The following SUSD1 variants were observed in gnomAD, a reference collection of about 807,000 sequenced individuals.
SUSD1 encodes sushi domain containing 1.
Under a neutral mutation model 86.9 loss-of-function variants are expected in SUSD1, and 65 were observed. The observed-to-expected ratio is 0.75, with a 90% CI of 0.61 to 0.92. The LOEUF (loss-of-function observed/expected upper bound fraction) is 0.92, where lower values mean the gene tolerates loss of function less well. SUSD1 is among the 40% of genes least tolerant of loss of function. The pLI is 0.00. For synonymous variants in SUSD1, 346 were observed against 350.0 expected (o/e 0.99, Z 0.13); for missense variants, 850 against 929.7 (o/e 0.91, Z 1.11).
chr9:112,042,010 T>A (rs753329459), intron 15 of SUSD1, 50 bp from the exon 16 acceptor site: 10 of 1,599,516 alleles, frequency 6.3e-6, no homozygotes, highest in Non-Finnish European at 7.7e-6. Context: ...CATCACCACC[T>A]CCCAGGAGGC....
chr9:112,139,451 AT>A (rs1564330227), intron 5 of SUSD1, among the ~76,000 whole-genome samples: 1 of 152,064 alleles, frequency 6.6e-6, no homozygotes, highest in Non-Finnish European at 1.5e-5. Context: ...TATTATTATT[AT>A]TTTTTCTTTA....
intron 12 of SUSD1, among the ~76,000 whole-genome samples, chr9:112,066,084 C>A (rs755663533): frequency 5.9e-5 from 9 of 152,194 alleles, no homozygotes; most frequent in Non-Finnish European, 1.3e-4. Flanking sequence ...GCCGGCCGAG[C>A]CAAGTGTGGA....
At chr9:112,149,516 T>A in intron 2 of SUSD1, 117 bp from the exon 3 acceptor site, 1 of 1,169,758 alleles carries the variant, frequency 8.5e-7, no homozygotes, top group Non-Finnish European at 1.2e-6. Flanking sequence ...CACACCTTAG[T>A]GATCTATTTC....
rs1473055729 is a variant in SUSD1 at position 112,042,173 on chromosome 9, G to A, written c.2150-213C>T. The A allele has an allele frequency of 2.6e-6, 4 of 1,537,056 alleles. No homozygotes were observed. In the African/African-American group the frequency reaches 5.5e-5, roughly 21 times the overall value. On this transcript the variant is annotated intron_variant, in intron 15 of 16. Transcript: ENST00000374270. ...TACAGTTACAAGGTATTTCTGAAAA[G>A]GAAGTGTAAAGCCAGACCATGTTAA...
chr9:112,164,708 G>C (rs1018743637), intron 1 of SUSD1, among the ~76,000 whole-genome samples: 2 of 152,174 alleles, frequency 1.3e-5, no homozygotes, highest in African/African-American at 4.8e-5. Context: ...ACTTTGGGAG[G>C]CTGAGGCAGG....
chr9:112,155,416 G>T (rs1228272079), intron 2 of SUSD1, among the ~76,000 whole-genome samples: 1 of 152,072 alleles, frequency 6.6e-6, no homozygotes, highest in Non-Finnish European at 1.5e-5. Context: ...AATTCCCCCT[G>T]GAGCCTCAGA....
Position 112,042,180 on chromosome 9 carries a change from T to C in SUSD1, c.2150-220A>G, listed in dbSNP as rs140677573. 5.2e-6 allele frequency: 8 copies of C among 1,536,676 alleles called. No individual in the cohort carries two copies. In the African/African-American group the frequency reaches 8.2e-5, roughly 16 times the overall value. The stretch of plus-strand genomic sequence containing the variant: ...ACAAGGTATTTCTGAAAAGGAAGTG[T>C]AAAGCCAGACCATGTTAAAGTTACA... On this transcript the variant is annotated intron_variant, in intron 15 of 16. Coordinates refer to ENST00000374270, the MANE Select transcript of SUSD1 (RefSeq NM_022486.5).
intron 9 of SUSD1, among the ~76,000 whole-genome samples, chr9:112,100,240 A>G (rs1008621947): frequency 3.3e-5 from 5 of 152,040 alleles, no homozygotes; most frequent in East Asian, 3.9e-4. Flanking sequence ...AGGCTGGAGT[A>G]CAGTGGTGCG....
At position 112,158,484 on chromosome 9, in the gene SUSD1, G is replaced by A. The variant is rs142366682; in HGVS notation, c.104-871C>T. On this transcript the variant is annotated intron_variant, in intron 1 of 16. Transcript: ENST00000374270. The stretch of plus-strand genomic sequence containing the variant: ...CAGCTCACTGCAGCCTTGACCTCCC[G>A]GGCTCATGCAATTCTCCCCACCTCA... Among the ~76,000 whole-genome samples, 328 of 151,712 alleles carry A rather than the reference G, an allele frequency of 2.2e-3. 3 individuals carry two copies. Among genetic ancestry groups the A allele is most frequent in the East Asian group, 0.015 (79 of 5,108 alleles).
intron 14 of SUSD1, among the ~76,000 whole-genome samples, chr9:112,053,535 A>AAG (rs1176390861): frequency 2.0e-5 from 3 of 151,880 alleles, no homozygotes; most frequent in Non-Finnish European, 4.4e-5. Context: ...AAAAAAAAAA[A>AAG]AAATCTGAGA....
At chr9:112,086,552 AAGAAAGAAAGAGAGAG>A (rs1456770268) in intron 10 of SUSD1, among the ~76,000 whole-genome samples, 2 of 130,322 alleles carry the variant, frequency 1.5e-5, no homozygotes, top group Admixed American at 7.4e-5. Flanking sequence ...GAAAGAAAGA[AAGAAAGAAAGAGAGAG>A]AGAGAGAGAG....
intron 10 of SUSD1, among the ~76,000 whole-genome samples, chr9:112,080,929 T>C (rs1009082528): frequency 4.6e-5 from 7 of 152,166 alleles, no homozygotes; most frequent in African/African-American, 1.2e-4. Flanking sequence ...AGGAAAAGAA[T>C]AGGAGGTGGC....
chr9:112,104,298 A>G (rs1053173572), intron 8 of SUSD1, among the ~76,000 whole-genome samples: 3 of 152,048 alleles, frequency 2.0e-5, no homozygotes, highest in Admixed American at 6.6e-5. Context: ...GATTACAGGC[A>G]TGAACCACCA....
At chr9:112,066,333 G>GA (rs1336552546) in intron 12 of SUSD1, among the ~76,000 whole-genome samples, 2 of 152,112 alleles carry the variant, frequency 1.3e-5, no homozygotes, top group East Asian at 1.9e-4. Flanking sequence ...GAATAGAAAA[G>GA]AAAAAACTCA....
intron 6 of SUSD1, among the ~76,000 whole-genome samples, chr9:112,121,973 A>T (rs953129258): frequency 6.6e-6 from 1 of 152,190 alleles, no homozygotes; most frequent in Non-Finnish European, 1.5e-5. Context: ...AAAGACTAAC[A>T]TGTGCATGGT....
At chr9:112,145,612 C>T (rs1259559443) in intron 3 of SUSD1, among the ~76,000 whole-genome samples, 1 of 152,030 alleles carries the variant, frequency 6.6e-6, no homozygotes, top group Non-Finnish European at 1.5e-5. Context: ...CATTTTAGCC[C>T]CCAAAAGATA....
intron 12 of SUSD1, among the ~76,000 whole-genome samples, chr9:112,072,242 C>T (rs924319781): frequency 2.1e-4 from 32 of 150,292 alleles, no homozygotes; most frequent in African/African-American, 7.6e-4. Context: ...CTCTGCCTCC[C>T]GGGTTCAGGA....
At chr9:112,052,754 A>G (rs1828274158) in intron 14 of SUSD1, among the ~76,000 whole-genome samples, 1 of 152,216 alleles carries the variant, frequency 6.6e-6, no homozygotes, top group South Asian at 2.1e-4. Flanking sequence ...AGCAACTGGC[A>G]TGGACCGCCT....
intron 6 of SUSD1, among the ~76,000 whole-genome samples, chr9:112,115,825 A>AG (rs1271328901): frequency 0.014 from 5 of 364 alleles, no homozygotes; most frequent in South Asian, 0.036. Context: ...AAAAAAAAAG[A>AG]AAAAAAAAAG....
Sources: allele counts gnomAD v4.1 joint callset (sites outside exome capture counted in the v4.1 genomes callset), GRCh38; gene constraint gnomAD v4.1.1; transcripts MANE v1.5; gene names NCBI Gene and HGNC (gene_info 2026-07-23, HGNC 2026-07-21).